MLLT3: variants seen among roughly 807,000 people sequenced by gnomAD.
The protein encoded by MLLT3 is MLLT3 super elongation complex subunit.
In MLLT3, 4 loss-of-function variants were observed where a neutral mutation model predicts 53.2. The observed-to-expected ratio is 0.08, with a 90% CI of 0.04 to 0.17. The LOEUF (loss-of-function observed/expected upper bound fraction) is 0.17. MLLT3 is among the 10% of genes least tolerant of loss of function. MLLT3 has a pLI of 1.00. For synonymous variants in MLLT3, 283 were observed against 230.6 expected (o/e 1.23, Z -2.06); for missense variants, 569 against 684.0 (o/e 0.83, Z 1.87).
At chr9:20,498,577 A>G (rs1180030745) in intron 2 of MLLT3, among the ~76,000 whole-genome samples, 1 of 152,320 alleles carries the variant, frequency 6.6e-6, no homozygotes, top group East Asian at 1.9e-4. Flanking sequence ...GATGGCTTTC[A>G]ATGCGGCCCA....
At position 20,620,179 on chromosome 9, in the gene MLLT3, C is replaced by A. The variant is rs143114042; in HGVS notation, c.193+475G>T. ...GAAGACCCTAAAGAGAACCGACTTG[C>A]CAAGACCGAACAATAACTACATCCA... On this transcript the variant is annotated intron_variant, in intron 2 of 10. Coordinates refer to ENST00000380338, the MANE Select transcript of MLLT3 (RefSeq NM_004529.4). This position sits in a 1 kb window ranked among gnomAD's most constrained non-coding sequence, Gnocchi z 6.1. 1.2e-4 allele frequency among the ~76,000 whole-genome samples: 18 copies of A among 151,844 alleles called. No homozygotes were observed. Among genetic ancestry groups the A allele is most frequent in the African/African-American group, 3.1e-4 (13 of 41,412 alleles).
At chr9:20,439,481 AC>A (rs1361274925) in intron 4 of MLLT3, among the ~76,000 whole-genome samples, 1 of 151,996 alleles carries the variant, frequency 6.6e-6, no homozygotes, top group Non-Finnish European at 1.5e-5. Context: ...TATTGTCAAA[AC>A]CATGAAGAGA....
At chr9:20,418,488 C>A (rs944917589) in intron 4 of MLLT3, 3 of 152,234 alleles carry the variant, frequency 2.0e-5, no homozygotes, top group African/African-American at 4.8e-5. Context: ...CCATTTACGT[C>A]TCTTGAACTA....
rs115600970 is a variant in MLLT3 at position 20,491,860 on chromosome 9, T to C, written c.194-35074A>G. On this transcript the variant is annotated intron_variant, in intron 2 of 10. Coordinates refer to ENST00000380338, the MANE Select transcript of MLLT3 (RefSeq NM_004529.4). ...TTTCAGAGCATAGTACAAAGAAAGA[T>C]TGGGGAACACAGAAGATCGTGCACT... Among the ~76,000 whole-genome samples the C allele has an allele frequency of 5.1e-3, 776 of 152,186 alleles. 5 individuals carry two copies. The highest frequency in any genetic ancestry group is 0.017 in the African/African-American group (687 of 41,568).
chr9:20,520,284 C>G (rs1325673615), intron 2 of MLLT3, among the ~76,000 whole-genome samples: 1 of 151,764 alleles, frequency 6.6e-6, no homozygotes, highest in Admixed American at 6.6e-5. Flanking sequence ...ATAATCTGTA[C>G]AACAAACCTC....
At chr9:20,406,438 A>C (rs770160807) in intron 5 of MLLT3, among the ~76,000 whole-genome samples, 3 of 152,252 alleles carry the variant, frequency 2.0e-5, no homozygotes. Flanking sequence ...TAATGAAAGA[A>C]TATTACAAAC....
At chr9:20,389,382 T>C (rs1186108546) in intron 5 of MLLT3, among the ~76,000 whole-genome samples, 1 of 152,178 alleles carries the variant, frequency 6.6e-6, no homozygotes, top group Non-Finnish European at 1.5e-5. Flanking sequence ...GATAAGAGAA[T>C]TGAGAGTTGA....
intron 2 of MLLT3, among the ~76,000 whole-genome samples, chr9:20,525,137 A>C (rs1297057192): frequency 1.3e-5 from 2 of 151,846 alleles, no homozygotes; most frequent in African/African-American, 4.8e-5. Context: ...AAAAAAAAAA[A>C]AAAAAAAAAC....
chr9:20,559,194 G>C (rs999893681), intron 2 of MLLT3, among the ~76,000 whole-genome samples: 1 of 152,088 alleles, frequency 6.6e-6, no homozygotes, highest in East Asian at 1.9e-4. Flanking sequence ...TTTATAATAC[G>C]ATTCCATTTT....
At chr9:20,478,518 G>A (rs1303243647) in intron 2 of MLLT3, among the ~76,000 whole-genome samples, 3 of 152,042 alleles carry the variant, frequency 2.0e-5, no homozygotes, top group African/African-American at 4.8e-5. Flanking sequence ...CCCCGTCAAG[G>A]AACAACTCAA....
intron 2 of MLLT3, among the ~76,000 whole-genome samples, chr9:20,508,505 T>C (rs10964583): frequency 0.26 from 39,473 of 151,864 alleles, 5,933 homozygotes; most frequent in African/African-American, 0.42. Flanking sequence ...GTCATAACTG[T>C]AGGGAGGAAC....
At chr9:20,550,262 A>C (rs1818894006) in intron 2 of MLLT3, among the ~76,000 whole-genome samples, 1 of 152,172 alleles carries the variant, frequency 6.6e-6, no homozygotes, top group African/African-American at 2.4e-5. Flanking sequence ...ATAATGACAG[A>C]AGCACCCAAG....
intron 2 of MLLT3, among the ~76,000 whole-genome samples, chr9:20,591,890 A>G (rs1820139154): frequency 6.6e-6 from 1 of 152,216 alleles, no homozygotes; most frequent in Non-Finnish European, 1.5e-5. Context: ...GAAGCCAGGT[A>G]CGGTGGCACA....
chr9:20,388,488 T>C (rs1822097275), intron 5 of MLLT3, among the ~76,000 whole-genome samples: 1 of 152,050 alleles, frequency 6.6e-6, no homozygotes, highest in Non-Finnish European at 1.5e-5. Context: ...CTCGGGAGGC[T>C]GAGGCAGGAG....
At chr9:20,593,742 G>GT (rs1433343084) in intron 2 of MLLT3, among the ~76,000 whole-genome samples, 1 of 152,160 alleles carries the variant, frequency 6.6e-6, no homozygotes, top group Non-Finnish European at 1.5e-5. Flanking sequence ...CTCTGAGGCA[G>GT]TATTTTAATT....
In MLLT3 at chr9:20,525,336, A is replaced by C. The variant is rs546476095; in HGVS notation, c.194-68550T>G. On this transcript the variant is annotated intron_variant, in intron 2 of 10. Coordinates refer to ENST00000380338, the MANE Select transcript of MLLT3 (RefSeq NM_004529.4). ...ACATGGTGAAATCCTGTCTGTACTA[A>C]AAGTACAAAAATTACCGAGTGTGGT... Among the ~76,000 whole-genome samples the C allele has an allele frequency of 5.9e-5, 9 of 152,142 alleles. No homozygotes were observed. In the East Asian group the frequency reaches 1.7e-3, roughly 29 times the overall value.
intron 2 of MLLT3, among the ~76,000 whole-genome samples, chr9:20,490,045 A>G (rs1824909936): frequency 6.6e-6 from 1 of 152,188 alleles, no homozygotes; most frequent in Non-Finnish European, 1.5e-5. Flanking sequence ...CCTTCAAGGA[A>G]TTTACTCTGT....
chr9:20,429,460 A>G (rs1447871645), intron 4 of MLLT3, among the ~76,000 whole-genome samples: 1 of 152,232 alleles, frequency 6.6e-6, no homozygotes, highest in Non-Finnish European at 1.5e-5. Flanking sequence ...GAAGAGTAAG[A>G]AAAAGAAGCA....
intron 3 of MLLT3, among the ~76,000 whole-genome samples, chr9:20,452,238 T>C (rs1469035849): frequency 2.0e-5 from 3 of 152,208 alleles, no homozygotes; most frequent in African/African-American, 4.8e-5. Context: ...TCTTGAATTG[T>C]GGTTCCCATA....
Sources: gnomAD v4.1 joint callset for allele counts (sites outside exome capture counted in the v4.1 genomes callset) on GRCh38, gnomAD v4.1.1 for gene constraint, Gnocchi (gnomAD v3.1) non-coding constraint, MANE v1.5 for transcripts, NCBI Gene and HGNC (gene_info 2026-07-23, HGNC 2026-07-21) for gene names.